The following MACROD2 variants were observed in gnomAD, a reference collection of about 807,000 sequenced individuals.
The protein encoded by MACROD2 is mono-ADP ribosylhydrolase 2.
In MACROD2, 36 loss-of-function variants were observed where a neutral mutation model predicts 70.4. The observed-to-expected ratio is 0.51, with a 90% CI of 0.39 to 0.68. The LOEUF is 0.68. Ranked by LOEUF, MACROD2 falls within the 30% of genes least tolerant of loss-of-function variation. The pLI is 0.00. For synonymous variants in MACROD2, 172 were observed against 178.8 expected (o/e 0.96, Z 0.30); for missense variants, 496 against 538.4 (o/e 0.92, Z 0.78).
At chr20:15,535,922 T>C (rs2047868294) in intron 8 of MACROD2, among the ~76,000 whole-genome samples, 1 of 152,170 alleles carries the variant, frequency 6.6e-6, no homozygotes, top group Admixed American at 6.5e-5. Context: ...TTTCACAATA[T>C]AAGACATGAA....
chr20:15,100,643 GT>G (rs2075865232), intron 5 of MACROD2, among the ~76,000 whole-genome samples: 1 of 152,140 alleles, frequency 6.6e-6, no homozygotes, highest in Non-Finnish European at 1.5e-5. Context: ...GAAGTAAGTA[GT>G]TGGCTAGGTT....
intron 5 of MACROD2, among the ~76,000 whole-genome samples, chr20:15,226,696 G>C (rs1026973574): frequency 6.6e-6 from 1 of 152,076 alleles, no homozygotes; most frequent in African/African-American, 2.4e-5. Flanking sequence ...CCATGTCTCA[G>C]ATCACTTTTA....
chr20:15,678,007 G>T (rs1045589078), intron 8 of MACROD2, among the ~76,000 whole-genome samples: 1 of 152,012 alleles, frequency 6.6e-6, no homozygotes, highest in African/African-American at 2.4e-5. Context: ...GGAGGTTGCA[G>T]TGAGCCAAGA....
intron 5 of MACROD2, among the ~76,000 whole-genome samples, chr20:14,739,553 T>C (rs561700242): frequency 6.6e-6 from 1 of 152,046 alleles, no homozygotes; most frequent in South Asian, 2.1e-4. Context: ...AACAAAGGTA[T>C]TATCTACTCA....
At chr20:15,530,716 CAAAAAAA>C (rs57826871) in intron 8 of MACROD2, among the ~76,000 whole-genome samples, 2 of 90,594 alleles carry the variant, frequency 2.2e-5, no homozygotes, top group African/African-American at 7.7e-5. Flanking sequence ...CTCCATCTCA[CAAAAAAA>C]AAAAAAAAAA....
chr20:15,460,034 A>G (rs902950595), intron 7 of MACROD2, among the ~76,000 whole-genome samples: 1 of 152,140 alleles, frequency 6.6e-6, no homozygotes, highest in Non-Finnish European at 1.5e-5. Context: ...AGATTGTTTC[A>G]GAGATGGGCA....
At chr20:15,853,322 G>A (rs2064320896) in intron 8 of MACROD2, among the ~76,000 whole-genome samples, 2 of 152,126 alleles carry the variant, frequency 1.3e-5, no homozygotes, top group Non-Finnish European at 2.9e-5. Flanking sequence ...AACGGTGGCA[G>A]GCAGGATTCT....
At chr20:15,575,164 G>T (rs1600614886) in intron 8 of MACROD2, among the ~76,000 whole-genome samples, 2 of 152,218 alleles carry the variant, frequency 1.3e-5, no homozygotes, top group East Asian at 3.9e-4. Context: ...TAGAAAAGCT[G>T]TTTTTGTTTT....
chr20:15,433,695 A>G (rs1055687489), intron 7 of MACROD2, among the ~76,000 whole-genome samples: 1 of 151,736 alleles, frequency 6.6e-6, no homozygotes, highest in Non-Finnish European at 1.5e-5. Flanking sequence ...AGGAAAAAAA[A>G]GCTGAAAATT....
At chr20:14,855,566 G>C (rs2073244941) in intron 5 of MACROD2, among the ~76,000 whole-genome samples, 1 of 142,506 alleles carries the variant, frequency 7.0e-6, no homozygotes, top group Non-Finnish European at 1.5e-5. Flanking sequence ...GTCAATTGGG[G>C]AAGAATTCAG....
chr20:15,591,048 T>C (rs1410401557), intron 8 of MACROD2, among the ~76,000 whole-genome samples: 1 of 152,136 alleles, frequency 6.6e-6, no homozygotes, highest in African/African-American at 2.4e-5. Context: ...TTTGTAACTA[T>C]TTTCTTTTAC....
chr20:14,321,291 G>A (rs1374381175), intron 3 of MACROD2, among the ~76,000 whole-genome samples: 1 of 152,010 alleles, frequency 6.6e-6, no homozygotes, highest in Non-Finnish European at 1.5e-5. Flanking sequence ...CTTGAATCCA[G>A]GAGGCACAGG....
At chr20:14,932,550 A>G (rs978250218) in intron 5 of MACROD2, among the ~76,000 whole-genome samples, 5 of 152,052 alleles carry the variant, frequency 3.3e-5, no homozygotes, top group African/African-American at 1.2e-4. Context: ...AGGAACATTT[A>G]AAGTTGAAGT....
chr20:14,394,071 C>T lies in MACROD2; in HGVS notation c.272-99408C>T, dbSNP rs192525400. ...ATGTCTGCTGTTTAAGTCAACCAAT[C>T]TATGATTTGTTATAGCAACCCAAAA... On this transcript the variant is annotated intron_variant, in intron 3 of 17. Coordinates refer to ENST00000684519, the MANE Select transcript of MACROD2 (RefSeq NM_001351661.2). 1.7e-3 allele frequency among the ~76,000 whole-genome samples: 253 copies of T among 152,234 alleles called. 1 individual carries two copies. The highest frequency in any genetic ancestry group is 5.9e-3 in the African/African-American group (244 of 41,544).
intron 6 of MACROD2, among the ~76,000 whole-genome samples, chr20:15,385,076 T>A (rs2146284256): frequency 6.6e-6 from 1 of 152,294 alleles, no homozygotes; most frequent in Admixed American, 6.5e-5. Context: ...ATCAATGGTG[T>A]CTTGAGAGTC....
chr20:15,765,402 A>G (rs2051505955), intron 8 of MACROD2, among the ~76,000 whole-genome samples: 1 of 152,164 alleles, frequency 6.6e-6, no homozygotes, highest in African/African-American at 2.4e-5. Flanking sequence ...TGTGACTTCT[A>G]TATTATACTG....
At chr20:14,509,135 G>C (rs2085001182) in intron 4 of MACROD2, among the ~76,000 whole-genome samples, 2 of 151,956 alleles carry the variant, frequency 1.3e-5, no homozygotes, top group Non-Finnish European at 2.9e-5. Flanking sequence ...CAAATCAAAA[G>C]AACCATAAGC....
At chr20:14,178,413 G>C (rs1427518788) in intron 3 of MACROD2, among the ~76,000 whole-genome samples, 2 of 152,124 alleles carry the variant, frequency 1.3e-5, no homozygotes, top group Admixed American at 1.3e-4. Context: ...AGAATATTCT[G>C]TTATGAAAAA....
At chr20:14,945,210 C>G (rs1241461649) in intron 5 of MACROD2, among the ~76,000 whole-genome samples, 2 of 151,818 alleles carry the variant, frequency 1.3e-5, no homozygotes, top group African/African-American at 4.8e-5. Flanking sequence ...CTCTGCCTCC[C>G]AGGTTCAAGC....
Sources: gnomAD v4.1 joint callset for allele counts (sites outside exome capture counted in the v4.1 genomes callset) on GRCh38, gnomAD v4.1.1 for gene constraint, MANE v1.5 for transcripts, NCBI Gene and HGNC (gene_info 2026-07-23, HGNC 2026-07-21) for gene names.